KIAA1217: variants seen among roughly 807,000 people sequenced by gnomAD.
KIAA1217 encodes the protein KIAA1217.
Under a neutral mutation model 163.9 loss-of-function variants are expected in KIAA1217, and 88 were observed. The observed-to-expected ratio is 0.54, with a 90% CI of 0.45 to 0.64. The LOEUF is 0.64. Among genes scored for constraint, KIAA1217 ranks in the 30% least tolerant of loss-of-function variants. The pLI, the probability that KIAA1217 is intolerant of heterozygous loss-of-function variation, is 0.00. For synonymous variants in KIAA1217, 903 were observed against 923.1 expected (o/e 0.98, Z 0.39); for missense variants, 2,372 against 2,475.0 (o/e 0.96, Z 0.88).
intron 2 of KIAA1217, among the ~76,000 whole-genome samples, chr10:24,167,218 A>G (rs2065393449): frequency 1.3e-5 from 2 of 151,804 alleles, no homozygotes; most frequent in Non-Finnish European, 2.9e-5. Context: ...CATCTTTCTG[A>G]TAAAAAGCAC....
intron 2 of KIAA1217, among the ~76,000 whole-genome samples, chr10:24,364,136 G>A (rs1430687195): frequency 1.3e-5 from 2 of 151,830 alleles, no homozygotes; most frequent in African/African-American, 2.4e-5. Context: ...CCACCACCAC[G>A]CCCAGCTAAT....
chr10:24,157,914 G>A, intron 2 of KIAA1217: 1 of 683,892 alleles, frequency 1.5e-6, no homozygotes, highest in South Asian at 1.7e-5. Context: ...CCAAAGCCAG[G>A]AGTTAATGCC....
intron 2 of KIAA1217, among the ~76,000 whole-genome samples, chr10:24,109,323 A>G (rs142543294): frequency 6.6e-6 from 1 of 152,018 alleles, no homozygotes; most frequent in Admixed American, 6.6e-5. Flanking sequence ...TTAAATTGGG[A>G]TAACTATCTT....
intron 2 of KIAA1217, among the ~76,000 whole-genome samples, chr10:24,320,156 AG>A (rs1161406137): frequency 6.6e-6 from 1 of 152,230 alleles, no homozygotes; most frequent in Admixed American, 6.5e-5. Flanking sequence ...ATAAAGGACA[AG>A]GAAAGCATCC....
chr10:24,446,027 T>C (rs2060903285), intron 5 of KIAA1217, among the ~76,000 whole-genome samples: 1 of 152,208 alleles, frequency 6.6e-6, no homozygotes, highest in South Asian at 2.1e-4. Context: ...TTTCTCCACA[T>C]CCTCTCCAGC....
intron 1 of KIAA1217, among the ~76,000 whole-genome samples, chr10:23,902,755 C>T (rs1015772209): frequency 4.6e-5 from 7 of 152,050 alleles, no homozygotes; most frequent in East Asian, 3.9e-4. Context: ...AGAAAAGAAA[C>T]GTGCAGCAGA....
intron 2 of KIAA1217, among the ~76,000 whole-genome samples, chr10:24,144,105 T>C (rs1246914471): frequency 1.3e-5 from 2 of 152,210 alleles, no homozygotes; most frequent in African/African-American, 4.8e-5. Context: ...ATAGGATAAA[T>C]AGAATTAAGC....
intron 1 of KIAA1217, among the ~76,000 whole-genome samples, chr10:23,852,958 A>C (rs1026218660): frequency 6.6e-6 from 1 of 152,240 alleles, no homozygotes; most frequent in African/African-American, 2.4e-5. Flanking sequence ...GTCACCTGCA[A>C]ACAGGGTCAA....
At chr10:24,356,743 G>A (rs1422018837) in intron 2 of KIAA1217, among the ~76,000 whole-genome samples, 2 of 152,198 alleles carry the variant, frequency 1.3e-5, no homozygotes, top group Admixed American at 1.3e-4. Flanking sequence ...ACCATGGGAT[G>A]ACACAGCAAG....
At chr10:24,267,681 T>C (rs1035116505) in intron 2 of KIAA1217, among the ~76,000 whole-genome samples, 5 of 152,220 alleles carry the variant, frequency 3.3e-5, no homozygotes, top group African/African-American at 1.2e-4. Flanking sequence ...TAGACTTTTT[T>C]AGAGTGTTCC....
chr10:23,934,567 ATATATATATATATATATATATATG>A (rs1279578006), intron 1 of KIAA1217, among the ~76,000 whole-genome samples: 10 of 76,306 alleles, frequency 1.3e-4, no homozygotes, highest in Middle Eastern at 5.9e-3. Flanking sequence ...GTATATATAT[ATATATATATATATATATATATATG>A]TATATATATA....
chr10:24,489,648 G>T (rs2065850568), intron 6 of KIAA1217, among the ~76,000 whole-genome samples: 1 of 151,772 alleles, frequency 6.6e-6, no homozygotes, highest in Non-Finnish European at 1.5e-5. Flanking sequence ...TCTCGCTTGA[G>T]TCCAGGAGAT....
intron 2 of KIAA1217, among the ~76,000 whole-genome samples, chr10:24,272,214 A>G (rs1305708867): frequency 6.6e-6 from 1 of 152,178 alleles, no homozygotes; most frequent in African/African-American, 2.4e-5. Context: ...TAGGGAAGTC[A>G]CTACTCAGTT....
At chr10:24,134,513 A>G (rs1482724904) in intron 2 of KIAA1217, among the ~76,000 whole-genome samples, 1 of 152,162 alleles carries the variant, frequency 6.6e-6, no homozygotes, top group African/African-American at 2.4e-5. Context: ...GCTGACCTTC[A>G]CAGTAGGTAG....
intron 1 of KIAA1217, among the ~76,000 whole-genome samples, chr10:23,914,978 A>T (rs1842579157): frequency 6.6e-6 from 1 of 152,102 alleles, no homozygotes; most frequent in South Asian, 2.1e-4. Context: ...AAGAAATAAG[A>T]TCTATCTGCA....
At chr10:24,118,837 C>G (rs947924411) in intron 2 of KIAA1217, among the ~76,000 whole-genome samples, 1 of 151,944 alleles carries the variant, frequency 6.6e-6, no homozygotes, top group African/African-American at 2.4e-5. Context: ...CCTGAGGACC[C>G]AGGGAGTAGA....
intron 2 of KIAA1217, among the ~76,000 whole-genome samples, chr10:24,263,157 T>C (rs2131763947): frequency 6.6e-6 from 1 of 152,340 alleles, no homozygotes; most frequent in African/African-American, 2.4e-5. Context: ...GTGGATTGCC[T>C]GCAGGGCTTC....
At chr10:23,804,841 T>C (rs1218501765) in intron 1 of KIAA1217, among the ~76,000 whole-genome samples, 1 of 152,212 alleles carries the variant, frequency 6.6e-6, no homozygotes, top group African/African-American at 2.4e-5. Flanking sequence ...ATGTATTTAA[T>C]GACACCTTAA....
At chr10:23,757,413 A>T (rs1017805459) in intron 1 of KIAA1217, among the ~76,000 whole-genome samples, 3 of 152,238 alleles carry the variant, frequency 2.0e-5, no homozygotes, top group African/African-American at 7.2e-5. Flanking sequence ...TTAATTAAAA[A>T]AAATTATAGC....
Sources: allele counts gnomAD v4.1 joint callset (sites outside exome capture counted in the v4.1 genomes callset), GRCh38; gene constraint gnomAD v4.1.1; transcripts MANE v1.5; gene names NCBI Gene and HGNC (gene_info 2026-07-23, HGNC 2026-07-21).